The following FAM168B variants were observed in gnomAD, a reference collection of about 807,000 sequenced individuals.
FAM168B encodes myelin-associated neurite-outgrowth inhibitor.
FAM168B carries 19 observed loss-of-function variants against 21.8 expected under a neutral mutation model. The observed-to-expected ratio is 0.87, with a 90% CI of 0.61 to 1.28. The LOEUF (loss-of-function observed/expected upper bound fraction) is 1.28. Ranked by LOEUF, FAM168B falls within the 50% of genes most tolerant of loss-of-function variation. The pLI is 0.00. For synonymous variants in FAM168B, 126 were observed against 104.8 expected (o/e 1.20, Z -1.24); for missense variants, 233 against 263.1 (o/e 0.89, Z 0.79).
Position 131,051,193 on chromosome 2 carries a change from C to A in FAM168B, c.*1272G>T. On this transcript the variant is annotated 3_prime_UTR_variant, in exon 7 of 7. Transcript: ENST00000389915. ...GCTCGCAGACAACAGACACTGGCCT[C>A]CCCCTCGCCCCATCTCTAAGCGTCC... 3.0e-6 allele frequency: 3 copies of A among 985,342 alleles called. No individual in the cohort carries two copies. Among genetic ancestry groups the A allele is most frequent in the Non-Finnish European group, 3.6e-6 (3 of 829,946 alleles). The allele number at this position is 985,342 out of a possible 1,614,324, so 61.0% of individuals were successfully genotyped here. A position where few individuals can be genotyped will look rare whatever the true frequency, so the allele number is the denominator to read the frequency against.
rs1692077854 is a variant in FAM168B at position 131,057,354 on chromosome 2, A to G, written c.155-1659T>C. On this transcript the variant is annotated intron_variant, in intron 3 of 6. Transcript: ENST00000389915. ...ATTACTCAGCAATCAAAAGGAAAAA[A>G]CATGGATGAATCTCACAACATGCTG... Among the ~76,000 whole-genome samples the G allele has an allele frequency of 2.6e-5, 4 of 152,236 alleles. 1 individual carries two copies. In the South Asian group the frequency reaches 8.3e-4, roughly 32 times the overall value.
intron 1 of FAM168B, among the ~76,000 whole-genome samples, chr2:131,089,383 G>A (rs776992989): frequency 1.6e-4 from 25 of 152,016 alleles, no homozygotes; most frequent in Non-Finnish European, 2.6e-4. Flanking sequence ...AAAGATGACA[G>A]CAAAAATTCC....
chr2:131,052,592 C>G, intron 6 of FAM168B, 140 bp from the exon 7 acceptor site: 1 of 733,452 alleles, frequency 1.4e-6, no homozygotes, highest in Non-Finnish European at 1.8e-6. Flanking sequence ...TCACTTCCTT[C>G]CTAGAGACCC....
chr2:131,066,161 CTTT>C (rs762218220), intron 3 of FAM168B, among the ~76,000 whole-genome samples: 4 of 138,338 alleles, frequency 2.9e-5, no homozygotes, highest in Admixed American at 7.3e-5. Context: ...ACATTTGTAT[CTTT>C]TTTTTTTTTT....
chr2:131,084,511 T>C (rs1354739901), intron 1 of FAM168B, among the ~76,000 whole-genome samples: 3 of 151,984 alleles, frequency 2.0e-5, no homozygotes, highest in African/African-American at 7.2e-5. Flanking sequence ...GTTTCCTGTA[T>C]TTCTTCAAAA....
In FAM168B at chr2:131,059,487, G is replaced by A. The variant is rs566586203; in HGVS notation, c.155-3792C>T. Among the ~76,000 whole-genome samples the A allele has an allele frequency of 4.6e-5, 7 of 152,264 alleles. 1 individual carries two copies. The South Asian group carries it at 1.5e-3, about 32-fold the overall frequency. On this transcript the variant is annotated intron_variant, in intron 3 of 6. Coordinates refer to ENST00000389915, the MANE Select transcript of FAM168B (RefSeq NM_001009993.4). ...GACACTGCCGAATGGGATCCCCACT[G>A]TACGGCTTAATCCCAGTTTTCTGCC...
intron 3 of FAM168B, among the ~76,000 whole-genome samples, chr2:131,069,487 T>C (rs1692746550): frequency 6.6e-6 from 1 of 151,886 alleles, no homozygotes; most frequent in Non-Finnish European, 1.5e-5. Flanking sequence ...TACACAGGTT[T>C]CTTTCTCTTT....
chr2:131,086,508 A>C (rs1693706246), intron 1 of FAM168B, among the ~76,000 whole-genome samples: 1 of 152,190 alleles, frequency 6.6e-6, no homozygotes, highest in South Asian at 2.1e-4. Flanking sequence ...GCTACTTGAG[A>C]TCAATTGAGT....
chr2:131,062,912 G>A (rs898815012), intron 3 of FAM168B, among the ~76,000 whole-genome samples: 2 of 152,132 alleles, frequency 1.3e-5, no homozygotes, highest in Non-Finnish European at 2.9e-5. Context: ...AAACCAAAAA[G>A]GAACTAAACA....
At position 131,051,165 on chromosome 2, in the gene FAM168B, G is replaced by A. The variant is rs1277532353; in HGVS notation, c.*1300C>T. The A allele has an allele frequency of 1.0e-6, 1 of 985,232 alleles. No individual in the cohort carries two copies. The highest frequency in any genetic ancestry group is 1.7e-5 in the African/African-American group (1 of 57,186). The allele number at this position is 985,232 out of a possible 1,614,324, so 61.0% of individuals were successfully genotyped here. On this transcript the variant is annotated 3_prime_UTR_variant, in exon 7 of 7. Transcript: ENST00000389915. ...CTCAGCTGCAAAAGAGATGGCAGGA[G>A]AGGCTCGCAGACAACAGACACTGGC...
At chr2:131,077,232 A>G (rs1479903363) in intron 2 of FAM168B, among the ~76,000 whole-genome samples, 3 of 149,052 alleles carry the variant, frequency 2.0e-5, no homozygotes, top group African/African-American at 7.5e-5. Flanking sequence ...AAAAAAAAAA[A>G]GAACAAGGCA....
At chr2:131,074,233 A>G (rs1693024571) in intron 2 of FAM168B, among the ~76,000 whole-genome samples, 1 of 152,040 alleles carries the variant, frequency 6.6e-6, no homozygotes, top group Non-Finnish European at 1.5e-5. Flanking sequence ...GGTTCAAGCG[A>G]TTCTCCTGCC....
Position 131,048,870 on chromosome 2 carries a change from A to AG in FAM168B, c.*3594dup. 3.0e-6 allele frequency: 3 copies of AG among 986,220 alleles called. No individual in the cohort carries two copies. Among genetic ancestry groups the AG allele is most frequent in the Non-Finnish European group, 3.6e-6 (3 of 830,204 alleles). The allele number at this position is 986,220 out of a possible 1,614,324, so 61.1% of individuals were successfully genotyped here. ...TGCCACCTGCTGCTGCGCCCAATGG[A>AG]GGTCCTGTCCTGTCCGGGCAACAGC... On this transcript the variant is annotated 3_prime_UTR_variant, in exon 7 of 7. Transcript: ENST00000389915.
rs1224537479 is a variant in FAM168B at position 131,049,455 on chromosome 2, G to A, written c.*3010C>T. On this transcript the variant is annotated 3_prime_UTR_variant, in exon 7 of 7. Transcript: ENST00000389915. ...GCTCACGAGAGACATAAAAGGTTCT[G>A]GAAGTGCCTTCAGGCCCATTACCAT... 1 of 985,300 alleles carries A rather than the reference G, an allele frequency of 1.0e-6. No individual in the cohort carries two copies. Among genetic ancestry groups the A allele is most frequent in the Admixed American group, 6.2e-5 (1 of 16,258 alleles). The allele number at this position is 985,300 out of a possible 1,614,324, so 61.0% of individuals were successfully genotyped here.
chr2:131,050,824 C>G lies in FAM168B; in HGVS notation c.*1641G>C, dbSNP rs1691621315. Reference sequence around the variant, plus strand: ...ATGAAGAGGAGCAGAGCCCCCTCCCCACCAGAGCCCACAGCACTCAAACCA... The same window carrying G: ...ATGAAGAGGAGCAGAGCCCCCTCCCGACCAGAGCCCACAGCACTCAAACCA... On this transcript the variant is annotated 3_prime_UTR_variant, in exon 7 of 7. Transcript: ENST00000389915. 1.0e-6 allele frequency: 1 copy of G among 985,410 alleles called. No individual in the cohort carries two copies. The highest frequency in any genetic ancestry group is 1.2e-6 in the Non-Finnish European group (1 of 829,974). 61.0% of individuals were successfully genotyped at this position (985,410 alleles called of 1,614,324 possible).
chr2:131,054,534 G>A (rs927912998), intron 5 of FAM168B, among the ~76,000 whole-genome samples: 1 of 152,190 alleles, frequency 6.6e-6, no homozygotes, highest in Non-Finnish European at 1.5e-5. Context: ...TTTCTCTCTG[G>A]CATAATTTCC....
At position 131,055,298 on chromosome 2, in the gene FAM168B, G is replaced by A; in HGVS notation, c.449C>T (p.Ala150Val). Residue 150 changes from alanine (A) to valine (V), a missense_variant, in exon 5 of 7, where the codon GCT (alanine) becomes GTT (valine). By Grantham distance (64) the Ala-to-Val change is moderately conservative. Transcript: ENST00000389915. The part of the protein sequence containing the change: ...RGNGVTMGMV[A>V]GTTMAMSAGT... ...TGCTGACATGGCCATGGTGGTCCCA[G>A]CCACCATGCCCATGGTGACCCCGTT... 6.3e-7 allele frequency: 1 copy of A among 1,581,230 alleles called. No homozygotes were observed. Among genetic ancestry groups the A allele is most frequent in the Non-Finnish European group, 8.6e-7 (1 of 1,168,408 alleles).
chr2:131,061,010 C>A (rs1430970010), intron 3 of FAM168B, among the ~76,000 whole-genome samples: 1 of 151,420 alleles, frequency 6.6e-6, no homozygotes, highest in Non-Finnish European at 1.5e-5. Context: ...CACCACCAAG[C>A]CTGGCTAATT....
chr2:131,053,189 G>A (rs560303789), intron 5 of FAM168B, among the ~76,000 whole-genome samples, 174 bp from the exon 6 acceptor site: 1 of 152,288 alleles, frequency 6.6e-6, no homozygotes, highest in African/African-American at 2.4e-5. Flanking sequence ...CCCAAAAGTT[G>A]TCTCCACACA....
Sources: allele counts gnomAD v4.1 joint callset (sites outside exome capture counted in the v4.1 genomes callset), GRCh38; gene constraint gnomAD v4.1.1; transcripts MANE v1.5; gene names NCBI Gene and HGNC (gene_info 2026-07-23, HGNC 2026-07-21).